Variants in FAM13A observed in about 807,000 individuals in gnomAD.
FAM13A encodes the protein protein FAM13A.
A neutral mutation model predicts 129.6 loss-of-function variants in FAM13A; 76 were observed. The ratio of observed to expected loss-of-function variants is 0.59; its 90% CI spans 0.49 to 0.71. FAM13A has a LOEUF of 0.71. Among genes scored for constraint, FAM13A ranks in the 30% least tolerant of loss-of-function variants. The pLI is 0.00. For missense variants in FAM13A, 1,108 were observed against 1,249.3 expected (o/e 0.89, Z 1.70); for synonymous variants, 443 against 449.9 (o/e 0.98, Z 0.20).
At chr4:88,748,920 T>C (rs1741960821) in intron 17 of FAM13A, 32 bp downstream of exon 17, 1 of 1,495,192 alleles carries the variant, frequency 6.7e-7, no homozygotes, top group South Asian at 1.1e-5. Context: ...TGGCTTGTTG[T>C]ACAGAAGCCA....
At chr4:88,827,024 A>C (rs929735384) in intron 7 of FAM13A, among the ~76,000 whole-genome samples, 1 of 152,066 alleles carries the variant, frequency 6.6e-6, no homozygotes, top group African/African-American at 2.4e-5. Context: ...CCCCAAATCT[A>C]TCTCTGCTGC....
intron 6 of FAM13A, among the ~76,000 whole-genome samples, chr4:88,868,280 C>G (rs1740787736): frequency 6.6e-6 from 1 of 152,162 alleles, no homozygotes; most frequent in African/African-American, 2.4e-5. Context: ...AAAACTTATC[C>G]TCTTCCCAGT....
At chr4:88,837,746 C>G (rs879295360) in intron 7 of FAM13A, among the ~76,000 whole-genome samples, 4 of 123,204 alleles carry the variant, frequency 3.2e-5, no homozygotes, top group Non-Finnish European at 7.0e-5. Context: ...AAAAGCAAAA[C>G]AAAACAAAAT....
chr4:88,745,150 T>C (rs1422236321), intron 19 of FAM13A, among the ~76,000 whole-genome samples: 1 of 152,028 alleles, frequency 6.6e-6, no homozygotes, highest in African/African-American at 2.4e-5. Flanking sequence ...TACAGGTAAG[T>C]ATATACAGAT....
chr4:89,003,380 G>A (rs1408257460), intron 3 of FAM13A, among the ~76,000 whole-genome samples: 1 of 152,128 alleles, frequency 6.6e-6, no homozygotes, highest in Non-Finnish European at 1.5e-5. Context: ...GGAGGCTGAG[G>A]TGGGCAGATC....
At chr4:88,758,994 C>G in intron 13 of FAM13A, 93 bp from the exon 14 acceptor site, 2 of 1,317,236 alleles carry the variant, frequency 1.5e-6, no homozygotes, top group Non-Finnish European at 1.1e-6. Flanking sequence ...TAAAACCTTC[C>G]AAGTCACAGC....
intron 6 of FAM13A, among the ~76,000 whole-genome samples, chr4:88,873,681 G>C (rs1741843128): frequency 6.6e-6 from 1 of 152,200 alleles, no homozygotes; most frequent in Admixed American, 6.5e-5. Context: ...TCCAGGACCA[G>C]ATGGATTCAC....
At chr4:88,881,706 C>G (rs576373648) in intron 6 of FAM13A, among the ~76,000 whole-genome samples, 1 of 151,926 alleles carries the variant, frequency 6.6e-6, no homozygotes, top group African/African-American at 2.4e-5. Context: ...AAGGTGAAGT[C>G]TAACTTAATG....
chr4:88,813,198 C>T (rs1235081709), intron 7 of FAM13A, among the ~76,000 whole-genome samples: 1 of 152,076 alleles, frequency 6.6e-6, no homozygotes, highest in Non-Finnish European at 1.5e-5. Context: ...TCTGTTTGTT[C>T]TGGCTTGAGA....
At chr4:88,868,210 A>G (rs759293718) in intron 6 of FAM13A, among the ~76,000 whole-genome samples, 2 of 152,222 alleles carry the variant, frequency 1.3e-5, no homozygotes, top group Non-Finnish European at 1.5e-5. Flanking sequence ...TGCTGGTCTT[A>G]GCACTTCATG....
intron 4 of FAM13A, among the ~76,000 whole-genome samples, chr4:88,951,940 T>C (rs1757016032): frequency 1.3e-5 from 2 of 152,240 alleles, no homozygotes; most frequent in African/African-American, 4.8e-5. Flanking sequence ...AAAATTTGCA[T>C]ACTCTTAGAA....
intron 10 of FAM13A, among the ~76,000 whole-genome samples, chr4:88,784,321 A>G (rs1723558224): frequency 6.6e-6 from 1 of 152,200 alleles, no homozygotes; most frequent in East Asian, 1.9e-4. Flanking sequence ...TCACTGTTGA[A>G]GACTTCAGGG....
chr4:88,795,618 C>G (rs549347220), intron 8 of FAM13A, among the ~76,000 whole-genome samples: 3 of 151,946 alleles, frequency 2.0e-5, no homozygotes, highest in Admixed American at 2.0e-4. Flanking sequence ...TAAGTTTACA[C>G]AGCTCCATTC....
intron 6 of FAM13A, among the ~76,000 whole-genome samples, chr4:88,879,176 T>C (rs1192913863): frequency 6.6e-6 from 1 of 152,198 alleles, no homozygotes; most frequent in Non-Finnish European, 1.5e-5. Flanking sequence ...TATAGAGCTT[T>C]AGCACTTAAG....
intron 11 of FAM13A, among the ~76,000 whole-genome samples, chr4:88,779,314 G>A (rs1722380425): frequency 6.6e-6 from 1 of 152,120 alleles, no homozygotes; most frequent in Admixed American, 6.6e-5. Flanking sequence ...GGTTTTGGAG[G>A]AAAGTTGGGG....
At chr4:89,033,732 G>C (rs1474344593) in intron 1 of FAM13A, among the ~76,000 whole-genome samples, 4 of 152,120 alleles carry the variant, frequency 2.6e-5, no homozygotes, top group Non-Finnish European at 5.9e-5. Flanking sequence ...CAGGAGCCTT[G>C]AGTTTTTACA....
At chr4:88,797,004 C>T (rs78824557) in intron 8 of FAM13A, among the ~76,000 whole-genome samples, 3 of 151,710 alleles carry the variant, frequency 2.0e-5, no homozygotes, top group African/African-American at 4.8e-5. Flanking sequence ...AGAAAATAGA[C>T]AAAAAAACCT....
chr4:88,830,403 AT>A (rs1398002429), intron 7 of FAM13A, among the ~76,000 whole-genome samples: 1 of 152,206 alleles, frequency 6.6e-6, no homozygotes, highest in East Asian at 1.9e-4. Flanking sequence ...GGAATAATGG[AT>A]TTCTAGTTAG....
chr4:89,046,306 A>C (rs1389158045), intron 1 of FAM13A, among the ~76,000 whole-genome samples: 1 of 152,220 alleles, frequency 6.6e-6, no homozygotes, highest in Admixed American at 6.5e-5. Context: ...GTTATACTCA[A>C]AAGAGAAGAT....
Sources: gnomAD v4.1 joint callset for allele counts (sites outside exome capture counted in the v4.1 genomes callset) on GRCh38, gnomAD v4.1.1 for gene constraint, MANE v1.5 for transcripts, NCBI Gene and HGNC (gene_info 2026-07-23, HGNC 2026-07-21) for gene names.